Variants in EPS8L1 observed in about 807,000 individuals in gnomAD.
The protein encoded by EPS8L1 is epidermal growth factor receptor kinase substrate 8-like protein 1.
EPS8L1 carries 101 observed loss-of-function variants against 91.7 expected under a neutral mutation model. The ratio of observed to expected loss-of-function variants is 1.10; its 90% CI spans 0.94 to 1.30. The LOEUF is 1.30. EPS8L1 is among the 50% of genes most tolerant of loss of function. The pLI, the probability that EPS8L1 is intolerant of heterozygous loss-of-function variation, is 0.00. For missense variants in EPS8L1, 1,114 were observed against 1,017.0 expected (o/e 1.10, Z -1.30); for synonymous variants, 506 against 445.3 (o/e 1.14, Z -1.72).
Position 55,083,313 on chromosome 19 carries a change from A to C in EPS8L1, c.1215-65A>C. Reference sequence around the variant, plus strand: ...TTTAGGGGAAAACTTAGTGAAGTTAATGCAGGAACGAAGTTGGGGGCTGTA... The same window carrying C: ...TTTAGGGGAAAACTTAGTGAAGTTACTGCAGGAACGAAGTTGGGGGCTGTA... On this transcript the variant is annotated intron_variant, in intron 12 of 19. Transcript: ENST00000201647. The surrounding 1 kb of genome is among the most constrained non-coding windows in gnomAD (Gnocchi z 4.7). 2 of 1,574,838 alleles carry C rather than the reference A, an allele frequency of 1.3e-6. No homozygotes were observed. The highest frequency in any genetic ancestry group is 8.6e-7 in the Non-Finnish European group (1 of 1,158,180).
chr19:55,087,059 A>C (rs1480233248), intron 18 of EPS8L1, 171 bp downstream of exon 18: 1 of 1,076,558 alleles, frequency 9.3e-7, no homozygotes, highest in East Asian at 2.8e-5. Flanking sequence ...TGTGATTGCC[A>C]TGTTTTTTCA....
intron 17 of EPS8L1, 79 bp from the exon 18 acceptor site, chr19:55,086,635 G>GCCCCCCCCCCCCC: frequency 1.6e-5 from 21 of 1,307,654 alleles, no homozygotes; most frequent in Middle Eastern, 2.5e-4. Context: ...ACGCTGGAGC[G>GCCCCCCCCCCCCC]CCCCCCCGCC....
chr19:55,085,677 T>G, intron 14 of EPS8L1, 164 bp from the exon 15 acceptor site: 1 of 780,498 alleles, frequency 1.3e-6, no homozygotes, highest in Non-Finnish European at 2.0e-6. Context: ...AGGGAGCAAA[T>G]ATATTCAGTC....
In EPS8L1 at chr19:55,080,773, C is replaced by A. The variant is rs201364329; in HGVS notation, c.431C>A (p.Ala144Glu). ...VHFFQGLRLGAELIREDIQGA... is the reference protein window; with the variant it reads ...VHFFQGLRLGEELIREDIQGA... ...GTGGCCTGACGGTGTGATTGGCAGG[C>A]GGAGCTGATCCGAGAGGACATCCAG... Residue 144 changes from alanine to glutamate, a missense_variant and splice_region_variant, in exon 7 of 20, where the codon GCG becomes GAG. Transcript: ENST00000201647. 6.3e-7 allele frequency: 1 copy of A among 1,596,958 alleles called. No individual in the cohort carries two copies. The highest frequency in any genetic ancestry group is 2.3e-5 in the East Asian group (1 of 43,366).
rs768380782 is a variant in EPS8L1, at chr19:55,086,692, C to T, written c.1778-22C>T. On this transcript the variant is annotated intron_variant, in intron 17 of 19. Transcript: ENST00000201647. ...CCTCGCCCTGAGCCCGCACTCCCTACCTCCCGGTTTCCCGCCTGCAGAGAA... is the reference window on the plus strand; with the variant it reads ...CCTCGCCCTGAGCCCGCACTCCCTATCTCCCGGTTTCCCGCCTGCAGAGAA... 3 of 1,443,626 alleles carry T rather than the reference C, an allele frequency of 2.1e-6. No homozygotes were observed. The African/African-American group carries it at 4.3e-5, about 21-fold the overall frequency. The allele number at this position is 1,443,626 out of a possible 1,614,324, so 89.4% of individuals were successfully genotyped here.
At position 55,081,580 on chromosome 19, in the gene EPS8L1, G is replaced by T. The variant is rs1728174177; in HGVS notation, c.774+88G>T. On this transcript the variant is annotated intron_variant, in intron 8 of 19. Transcript: ENST00000201647. The surrounding 1 kb of genome is among the most constrained non-coding windows in gnomAD (Gnocchi z 4.9). ...GGAAGGGCGGGGCCGGCTGCGGGACGGGCGTTCTCTGGTCAGACTTCTGCG... is the reference window on the plus strand; with the variant it reads ...GGAAGGGCGGGGCCGGCTGCGGGACTGGCGTTCTCTGGTCAGACTTCTGCG... 2.8e-6 allele frequency: 4 copies of T among 1,452,796 alleles called. No homozygotes were observed. The highest frequency in any genetic ancestry group is 2.8e-5 in the South Asian group (2 of 70,176). The allele number at this position is 1,452,796 out of a possible 1,614,324, so 90.0% of individuals were successfully genotyped here. A position where few individuals can be genotyped will look rare whatever the true frequency, so the allele number is the denominator to read the frequency against.
At chr19:55,082,784 G>A (rs1435277013) in intron 12 of EPS8L1, among the ~76,000 whole-genome samples, 182 bp downstream of exon 12, 1 of 151,652 alleles carries the variant, frequency 6.6e-6, no homozygotes, top group Non-Finnish European at 1.5e-5. Context: ...GGAAAGGCCA[G>A]GAATTAACGT....
intron 3 of EPS8L1, 134 bp from the exon 4 acceptor site, chr19:55,078,865 G>T: frequency 3.1e-6 from 2 of 643,394 alleles, no homozygotes; most frequent in South Asian, 3.4e-5. Flanking sequence ...GGACTCCTGG[G>T]TCAGAGGGAA....
Position 55,087,843 on chromosome 19 carries a change from A to C in EPS8L1, c.*229A>C. 3.7e-6 allele frequency: 2 copies of C among 545,828 alleles called. No homozygotes were observed. The highest frequency in any genetic ancestry group is 6.6e-6 in the Non-Finnish European group (2 of 302,214). 33.8% of individuals were successfully genotyped at this position (545,828 alleles called of 1,614,324 possible). ...GTGGAGACAGTCTACGGAAAGCGCT[A>C]GCAGACCCCCGAGAGGGTGCAGTGG... On this transcript the variant is annotated 3_prime_UTR_variant, in exon 20 of 20. Coordinates refer to ENST00000201647, the MANE Select transcript of EPS8L1 (RefSeq NM_133180.3).
In EPS8L1 at chr19:55,087,448, G is replaced by T; in HGVS notation, c.2085+13G>T. ...CTCGCTGCTGGAGGTGAGCCGGACCGCTGGTCCCTGGGTCTGGGTAGGGTT... is the reference window on the plus strand; with the variant it reads ...CTCGCTGCTGGAGGTGAGCCGGACCTCTGGTCCCTGGGTCTGGGTAGGGTT... On this transcript the variant is annotated intron_variant, in intron 19 of 19. Coordinates refer to ENST00000201647, the MANE Select transcript of EPS8L1 (RefSeq NM_133180.3). 6.2e-7 allele frequency: 1 copy of T among 1,614,184 alleles called. No homozygotes were observed. The highest frequency in any genetic ancestry group is 8.5e-7 in the Non-Finnish European group (1 of 1,180,030).
intron 2 of EPS8L1, among the ~76,000 whole-genome samples, chr19:55,077,674 C>T (rs1427972867): frequency 2.0e-5 from 3 of 149,784 alleles, no homozygotes; most frequent in Non-Finnish European, 4.4e-5. Flanking sequence ...CTGCAACCTC[C>T]GCCTCCCAGG....
rs199704734 is a variant in EPS8L1, at chr19:55,081,929, C to A, written c.901+30C>A. On this transcript the variant is annotated intron_variant, in intron 9 of 19. Coordinates refer to ENST00000201647, the MANE Select transcript of EPS8L1 (RefSeq NM_133180.3). This position sits in a 1 kb window ranked among gnomAD's most constrained non-coding sequence, Gnocchi z 4.9. The stretch of plus-strand genomic sequence containing the variant: ...GGGGCACCCTGGCGTGGGATCTGAA[C>A]CCCCTCCCGATCTCTTCCAAATGTC... 1 of 1,597,472 alleles carries A rather than the reference C, an allele frequency of 6.3e-7. No individual in the cohort carries two copies. Among genetic ancestry groups the A allele is most frequent in the South Asian group, 1.1e-5 (1 of 89,812 alleles).
rs1261912660 is a variant in EPS8L1 at position 55,083,440 on chromosome 19, C to T, written c.1277C>T (p.Pro426Leu). ...YRPEFFSGWEPPVTDPQSRAW... is the reference protein window; with the variant it reads ...YRPEFFSGWELPVTDPQSRAW... ...CCCGAGTTCTTCAGCGGCTGGGAGCCGCCGGTCACTGACCCGCAGAGCCGC... is the reference window on the plus strand; with the variant it reads ...CCCGAGTTCTTCAGCGGCTGGGAGCTGCCGGTCACTGACCCGCAGAGCCGC... The change falls in exon 13 of 20, where the codon CCG becomes CTG. Residue 426 changes from proline (P) to leucine (L), a missense_variant. By Grantham distance (98) the Pro-to-Leu change is moderately conservative (BLOSUM62 -3). Transcript: ENST00000201647. The surrounding 1 kb of genome is among the most constrained non-coding windows in gnomAD (Gnocchi z 4.7). 3 of 1,612,580 alleles carry T rather than the reference C, an allele frequency of 1.9e-6. No homozygotes were observed. Among genetic ancestry groups the T allele is most frequent in the Non-Finnish European group, 2.5e-6 (3 of 1,179,858 alleles).
chr19:55,076,700 T>C (rs2076141740), intron 2 of EPS8L1, among the ~76,000 whole-genome samples: 1 of 152,214 alleles, frequency 6.6e-6, no homozygotes, highest in Non-Finnish European at 1.5e-5. Context: ...TCAGTGCTGA[T>C]GTAACCCTGG....
At position 55,080,765 on chromosome 19, in the gene EPS8L1, T is replaced by C. The variant is rs1308936130; in HGVS notation, c.430-7T>C. 7 of 1,609,192 alleles carry C rather than the reference T, an allele frequency of 4.4e-6. No individual in the cohort carries two copies. Among genetic ancestry groups the C allele is most frequent in the Non-Finnish European group, 5.9e-6 (7 of 1,177,950 alleles). ...GGGGAGGCGTGGCCTGACGGTGTGA[T>C]TGGCAGGCGGAGCTGATCCGAGAGG... On this transcript the variant is annotated splice_region_variant and splice_polypyrimidine_tract_variant and intron_variant, in intron 6 of 19. Transcript: ENST00000201647.
Position 55,081,232 on chromosome 19 carries a change from G to A in EPS8L1, c.514G>A (p.Ala172Thr), listed in dbSNP as rs1568784207. Residue 172 changes from alanine to threonine, a missense_variant and splice_region_variant, in exon 8 of 20, where the codon GCC becomes ACC. Transcript: ENST00000201647. The surrounding 1 kb of genome is among the most constrained non-coding windows in gnomAD (Gnocchi z 4.9). ...TGGTGTCCCCGTCGCCCTCCGCAGG[G>A]CCACGCAGGAGGAGTTGCAGCGCGA... The part of the protein sequence containing the change: ...RGERRAAALR[A>T]TQEELQRDRS... 6.6e-7 allele frequency: 1 copy of A among 1,511,380 alleles called. No homozygotes were observed. The highest frequency in any genetic ancestry group is 8.8e-7 in the Non-Finnish European group (1 of 1,141,406). 93.6% of individuals were successfully genotyped at this position (1,511,380 alleles called of 1,614,324 possible).
intron 17 of EPS8L1, 58 bp from the exon 18 acceptor site, chr19:55,086,656 G>GGGC: frequency 7.4e-7 from 1 of 1,344,058 alleles, no homozygotes; most frequent in Non-Finnish European, 1.0e-6. Flanking sequence ...CCGCCCTCTG[G>GGGC]CCCCAGGACC....
At position 55,083,572 on chromosome 19, in the gene EPS8L1, G is replaced by A. The variant is rs1412035273; in HGVS notation, c.1357-44G>A. 4 of 1,594,324 alleles carry A rather than the reference G, an allele frequency of 2.5e-6. No individual in the cohort carries two copies. The African/African-American group carries it at 4.0e-5, about 16-fold the overall frequency. On this transcript the variant is annotated intron_variant, in intron 13 of 19. Transcript: ENST00000201647. The surrounding 1 kb of genome is among the most constrained non-coding windows in gnomAD (Gnocchi z 4.7). ...GGCTGGGAAGTCCGGGGGCGCGGCCGGTCCGCCTGGCCCCGCCTGACCCGA... is the reference window on the plus strand; with the variant it reads ...GGCTGGGAAGTCCGGGGGCGCGGCCAGTCCGCCTGGCCCCGCCTGACCCGA...
rs925143904 is a variant in EPS8L1, at chr19:55,085,613, C to T, written c.1386-228C>T. On this transcript the variant is annotated intron_variant, in intron 14 of 19. Coordinates refer to ENST00000201647, the MANE Select transcript of EPS8L1 (RefSeq NM_133180.3). ...CTCATTCTCCTCTGTAAAATGGAAT[C>T]GATGGTGGGATAGTACCCACTACAT... 15 of 429,756 alleles carry T rather than the reference C, an allele frequency of 3.5e-5. No homozygotes were observed. In the South Asian group the frequency reaches 6.3e-4, roughly 18 times the overall value. 26.6% of individuals were successfully genotyped at this position (429,756 alleles called of 1,614,324 possible). A position where few individuals can be genotyped will look rare whatever the true frequency, so the allele number is the denominator to read the frequency against.
Sources: allele counts gnomAD v4.1 joint callset (sites outside exome capture counted in the v4.1 genomes callset), GRCh38; gene constraint gnomAD v4.1.1; non-coding constraint Gnocchi (gnomAD v3.1); transcripts MANE v1.5; gene names NCBI Gene and HGNC (gene_info 2026-07-23, HGNC 2026-07-21).